ERC1: variants seen among roughly 807,000 people sequenced by gnomAD.
ERC1 encodes RAB6 interacting protein 2.
A neutral mutation model predicts 132.0 loss-of-function variants in ERC1; 56 were observed. That is an observed-to-expected ratio of 0.42 (90% CI 0.34 to 0.53). The LOEUF (loss-of-function observed/expected upper bound fraction) is 0.53, where lower values mean the gene tolerates loss of function less well. ERC1 is among the 20% of genes least tolerant of loss of function. The probability of loss-of-function intolerance (pLI) is 0.03; values close to 1 mark genes in which losing one functional copy is unlikely to be tolerated. For missense variants in ERC1, 1,202 were observed against 1,349.9 expected (o/e 0.89, Z 1.72); for synonymous variants, 478 against 476.1 (o/e 1.00, Z -0.05).
intron 11 of ERC1, among the ~76,000 whole-genome samples, chr12:1,185,611 A>G (rs1338713019): frequency 6.6e-6 from 1 of 152,134 alleles, no homozygotes; most frequent in Non-Finnish European, 1.5e-5. Context: ...TGTTGCCAGA[A>G]AGTCCCAGTT....
intron 15 of ERC1, among the ~76,000 whole-genome samples, chr12:1,298,609 A>G (rs1180194252): frequency 6.6e-6 from 1 of 151,948 alleles, no homozygotes; most frequent in Non-Finnish European, 1.5e-5. Context: ...ATAAAATGCA[A>G]TGCTAAAAAT....
chr12:1,330,353 A>G (rs61913085), intron 15 of ERC1, among the ~76,000 whole-genome samples: 33,731 of 151,998 alleles, frequency 0.22, 4,051 homozygotes, highest in Non-Finnish European at 0.26. Context: ...TAGACTCATA[A>G]TGTTATTTTT....
At chr12:1,313,264 C>T (rs1174004110) in intron 15 of ERC1, among the ~76,000 whole-genome samples, 1 of 152,030 alleles carries the variant, frequency 6.6e-6, no homozygotes, top group East Asian at 1.9e-4. Context: ...ATCAAAGACC[C>T]ACCCACTAGA....
At chr12:1,453,971 G>C (rs921314896) in intron 18 of ERC1, among the ~76,000 whole-genome samples, 1 of 151,904 alleles carries the variant, frequency 6.6e-6, no homozygotes, top group Admixed American at 6.6e-5. Flanking sequence ...ATAGATGACT[G>C]GTGGCTGGGA....
chr12:1,310,343 A>G (rs921836486), intron 15 of ERC1, among the ~76,000 whole-genome samples: 3 of 151,962 alleles, frequency 2.0e-5, no homozygotes, highest in African/African-American at 7.3e-5. Flanking sequence ...AGTAGCTGGG[A>G]ATACAGGTGC....
intron 2 of ERC1, among the ~76,000 whole-genome samples, chr12:1,063,628 A>T (rs554584081): frequency 1.3e-5 from 2 of 151,148 alleles, no homozygotes; most frequent in South Asian, 4.2e-4. Context: ...CATATAGTTG[A>T]GTCTTTTTTT....
At chr12:1,419,393 A>C (rs989422083) in intron 17 of ERC1, among the ~76,000 whole-genome samples, 3 of 151,540 alleles carry the variant, frequency 2.0e-5, no homozygotes, top group Non-Finnish European at 2.9e-5. Flanking sequence ...TAGATATGAC[A>C]TACCTTTCTT....
At chr12:1,443,120 CGATCTCCT>C (rs1044494825) in intron 17 of ERC1, among the ~76,000 whole-genome samples, 3 of 151,914 alleles carry the variant, frequency 2.0e-5, no homozygotes, top group Non-Finnish European at 4.4e-5. Context: ...AGGATGGTCT[CGATCTCCT>C]GATCTCATGA....
chr12:1,394,250 A>C (rs1016144721), intron 16 of ERC1, among the ~76,000 whole-genome samples: 1 of 150,952 alleles, frequency 6.6e-6, no homozygotes, highest in Non-Finnish European at 1.5e-5. Flanking sequence ...AATACAAAAA[A>C]TTAGCCAGGC....
chr12:1,046,687 A>T (rs1170669988), intron 2 of ERC1, among the ~76,000 whole-genome samples: 1 of 152,166 alleles, frequency 6.6e-6, no homozygotes, highest in Non-Finnish European at 1.5e-5. Context: ...TTACTAAGAA[A>T]CAGGCCCTGT....
chr12:1,017,599 A>G (rs1315099579), intron 1 of ERC1, among the ~76,000 whole-genome samples: 2 of 150,458 alleles, frequency 1.3e-5, no homozygotes, highest in African/African-American at 4.9e-5. Context: ...CCCGGGTTCA[A>G]GCGATTCTCA....
At chr12:1,204,377 C>T (rs1957172358) in intron 12 of ERC1, 2 of 703,388 alleles carry the variant, frequency 2.8e-6, no homozygotes, top group African/African-American at 1.8e-5. Flanking sequence ...GAATTTGTGA[C>T]TCCTTCCCTT....
chr12:1,155,545 G>A (rs1051290645), intron 8 of ERC1, among the ~76,000 whole-genome samples: 22 of 151,452 alleles, frequency 1.5e-4, no homozygotes, highest in Admixed American at 1.1e-3. Flanking sequence ...GCGCCATCTC[G>A]GCTCACTGCA....
intron 17 of ERC1, among the ~76,000 whole-genome samples, chr12:1,436,903 T>C (rs144587222): frequency 2.3e-3 from 353 of 152,260 alleles, no homozygotes; most frequent in Admixed American, 3.7e-3. Context: ...GCCTAGATTT[T>C]TGCCCCTAAT....
At chr12:1,063,964 G>C (rs998233703) in intron 2 of ERC1, among the ~76,000 whole-genome samples, 1 of 152,150 alleles carries the variant, frequency 6.6e-6, no homozygotes, top group South Asian at 2.1e-4. Flanking sequence ...TTGTATGGCT[G>C]GTTTAGTGGT....
intron 13 of ERC1, among the ~76,000 whole-genome samples, chr12:1,249,391 T>A (rs2076341228): frequency 6.6e-6 from 1 of 152,230 alleles, no homozygotes; most frequent in Non-Finnish European, 1.5e-5. Context: ...CTTGAAAGCC[T>A]ACCCATCTTT....
chr12:1,279,672 T>TTA (rs1555342536), intron 14 of ERC1, among the ~76,000 whole-genome samples: 25 of 148,528 alleles, frequency 1.7e-4, no homozygotes, highest in Middle Eastern at 3.5e-3. Context: ...TTTTTTTTTT[T>TTA]AATTTTATTT....
chr12:1,418,661 C>CT (rs1241923365), intron 17 of ERC1, among the ~76,000 whole-genome samples: 126 of 100,574 alleles, frequency 1.3e-3, no homozygotes, highest in African/African-American at 4.3e-3. Flanking sequence ...CTCTCTCTCT[C>CT]TTTCTTTTCT....
intron 2 of ERC1, among the ~76,000 whole-genome samples, chr12:1,062,137 G>T (rs1312182736): frequency 6.6e-6 from 1 of 151,176 alleles, no homozygotes; most frequent in Non-Finnish European, 1.5e-5. Context: ...GCACCCACCA[G>T]CACGCCTGGC....
Sources: allele counts gnomAD v4.1 joint callset (sites outside exome capture counted in the v4.1 genomes callset), GRCh38; gene constraint gnomAD v4.1.1; transcripts MANE v1.5; gene names NCBI Gene and HGNC (gene_info 2026-07-23, HGNC 2026-07-21).